The following SP140 variants were observed in gnomAD, a reference collection of about 807,000 sequenced individuals.
The protein encoded by SP140 is SP140 nuclear body protein, also known as nuclear body protein SP140.
In SP140, 81 loss-of-function variants were observed where a neutral mutation model predicts 125.0. The observed-to-expected ratio is 0.65, with a 90% CI of 0.54 to 0.78. SP140 has a LOEUF of 0.78. Ranked by LOEUF, SP140 falls within the 30% of genes least tolerant of loss-of-function variation. The pLI, the probability that SP140 is intolerant of heterozygous loss-of-function variation, is 0.00. For synonymous variants in SP140, 312 were observed against 354.0 expected (o/e 0.88, Z 1.33); for missense variants, 858 against 1,037.0 (o/e 0.83, Z 2.37).
At chr2:230,235,720 T>A (rs1476922311) in intron 1 of SP140, among the ~76,000 whole-genome samples, 1 of 152,196 alleles carries the variant, frequency 6.6e-6, no homozygotes, top group Non-Finnish European at 1.5e-5. Context: ...AACTACAAAC[T>A]TTTGTGATTA....
intron 15 of SP140, among the ~76,000 whole-genome samples, chr2:230,284,047 A>G (rs2056017123): frequency 1.3e-5 from 2 of 152,182 alleles, no homozygotes; most frequent in South Asian, 2.1e-4. Flanking sequence ...AAAAAGCAAC[A>G]TGAAACAGCA....
chr2:230,271,904 C>T (rs376878524), intron 15 of SP140, among the ~76,000 whole-genome samples: 3 of 152,090 alleles, frequency 2.0e-5, no homozygotes, highest in Admixed American at 6.6e-5. Context: ...TTTGAAGAGA[C>T]GTAGCATGTG....
intron 22 of SP140, among the ~76,000 whole-genome samples, chr2:230,309,671 C>T (rs913085190): frequency 6.6e-6 from 1 of 152,214 alleles, no homozygotes; most frequent in Non-Finnish European, 1.5e-5. Flanking sequence ...TGTTGCTAGT[C>T]TTTCTTCATT....
intron 12 of SP140, among the ~76,000 whole-genome samples, chr2:230,268,566 A>G (rs2053480920): frequency 6.6e-6 from 1 of 152,100 alleles, no homozygotes; most frequent in Non-Finnish European, 1.5e-5. Flanking sequence ...CAGTAGATGA[A>G]GTAGTGAAAC....
At chr2:230,311,712 G>A (rs2149639497) in intron 26 of SP140, 117 bp downstream of exon 26, 2 of 1,062,964 alleles carry the variant, frequency 1.9e-6, no homozygotes, top group East Asian at 4.8e-5. Flanking sequence ...CAAGGGTTCT[G>A]GAAGTGATTG....
At chr2:230,296,657 G>A (rs1481975210) in intron 21 of SP140, among the ~76,000 whole-genome samples, 1 of 152,194 alleles carries the variant, frequency 6.6e-6, no homozygotes, top group Non-Finnish European at 1.5e-5. Context: ...TGCTCTTCTT[G>A]TCTGGGACAC....
At chr2:230,296,489 T>C (rs1470457181) in intron 21 of SP140, among the ~76,000 whole-genome samples, 1 of 152,204 alleles carries the variant, frequency 6.6e-6, no homozygotes, top group African/African-American at 2.4e-5. Flanking sequence ...TAAATAAATG[T>C]AGTGGGTTAC....
intron 12 of SP140, among the ~76,000 whole-genome samples, chr2:230,268,866 C>T (rs550044147): frequency 2.0e-5 from 3 of 152,312 alleles, no homozygotes; most frequent in African/African-American, 7.2e-5. Flanking sequence ...ATAATCTCGG[C>T]AGGAACTCCA....
chr2:230,275,938 C>T (rs184947698), intron 15 of SP140, among the ~76,000 whole-genome samples: 1 of 152,272 alleles, frequency 6.6e-6, no homozygotes, highest in East Asian at 1.9e-4. Context: ...GAGGCCTAAA[C>T]TCTCCTCAAT....
chr2:230,202,800 G>T (rs1398822360), upstream of SP140: 26 of 1,458,756 alleles, frequency 1.8e-5, no homozygotes, highest in Admixed American at 4.3e-4. Flanking sequence ...CCCAATCAGT[G>T]ACTTCCCTTC....
chr2:230,307,976 TATATATATATATATACAC>T (rs2058943504), intron 22 of SP140, among the ~76,000 whole-genome samples: 1 of 91,098 alleles, frequency 1.1e-5, no homozygotes, highest in African/African-American at 3.9e-5. Context: ...TATATATATA[TATATATATATATATACAC>T]ACACACACAC....
chr2:230,310,309 GT>G, intron 23 of SP140: 1 of 508,116 alleles, frequency 2.0e-6, no homozygotes, highest in Non-Finnish European at 3.5e-6. Flanking sequence ...TTTCCTTGAA[GT>G]TTTGCAGCTG....
chr2:230,224,071 G>A (rs1283002748), upstream of SP140, among the ~76,000 whole-genome samples: 4 of 152,162 alleles, frequency 2.6e-5, no homozygotes, highest in Non-Finnish European at 1.5e-5. Flanking sequence ...CAAGATAGTG[G>A]GAAATAGAAC....
chr2:230,291,773 A>G (rs913318806), intron 19 of SP140, among the ~76,000 whole-genome samples: 2 of 152,222 alleles, frequency 1.3e-5, no homozygotes, highest in African/African-American at 4.8e-5. Flanking sequence ...TATATAGTCA[A>G]GAGAGGAATG....
intron 9 of SP140, among the ~76,000 whole-genome samples, chr2:230,250,558 G>C (rs73104241): frequency 0.025 from 3,820 of 152,178 alleles, 158 homozygotes; most frequent in African/African-American, 0.088. Flanking sequence ...ATGAGAAAGG[G>C]GGTGACAAGG....
chr2:230,300,346 A>G (rs2058172175), intron 22 of SP140, among the ~76,000 whole-genome samples: 1 of 152,186 alleles, frequency 6.6e-6, no homozygotes, highest in Non-Finnish European at 1.5e-5. Context: ...CCAACATTTG[A>G]GAAAACCAGT....
At chr2:230,265,894 T>C (rs1234947454) in intron 12 of SP140, among the ~76,000 whole-genome samples, 1 of 151,948 alleles carries the variant, frequency 6.6e-6, no homozygotes, top group Non-Finnish European at 1.5e-5. Context: ...TATGTACGTA[T>C]AAAAGAAAAG....
In SP140 at chr2:230,237,142, A is replaced by T. The variant is rs759673410; in HGVS notation, c.119A>T (p.Glu40Val). 6.2e-7 allele frequency: 1 copy of T among 1,613,430 alleles called. No homozygotes were observed. The highest frequency in any genetic ancestry group is 8.5e-7 in the Non-Finnish European group (1 of 1,179,756). The change falls in exon 2 of 27, where the codon GAG becomes GTG. Residue 40 changes from glutamate to valine, a missense_variant. Around this residue, in one of 4 missense-constraint regions of SP140, gnomAD observed 791 missense variants for 869.5 expected, o/e 0.91. Coordinates refer to ENST00000392045, the MANE Select transcript of SP140 (RefSeq NM_007237.5). The surrounding 1 kb of genome is among the most constrained non-coding windows in gnomAD (Gnocchi z 5.4). ...AACCTGCAGGAGCAGGTTTGCCCTG[A>T]GCCCATTTTCAGGTTCTTCAGAGAA... is the stretch of plus-strand genomic sequence containing the variant. Reference protein sequence around the residue: ...GQNLQEQVCPEPIFRFFRENK... With the variant: ...GQNLQEQVCPVPIFRFFRENK...
In SP140 at chr2:230,261,521, G is replaced by A. The variant is rs187117866; in HGVS notation, c.1240+5989G>A. Among the ~76,000 whole-genome samples the A allele has an allele frequency of 1.3e-3, 198 of 152,230 alleles. 2 individuals carry two copies. Among genetic ancestry groups the A allele is most frequent in the African/African-American group, 4.1e-3 (172 of 41,520 alleles). ...AGGAGTGGCGAGAGTGGGCATCCTT[G>A]TCTTGTTTCAGTTCTCAGAGGGAAA... On this transcript the variant is annotated intron_variant, in intron 12 of 26. Coordinates refer to ENST00000392045, the MANE Select transcript of SP140 (RefSeq NM_007237.5).
Sources: gnomAD v4.1 joint callset for allele counts (sites outside exome capture counted in the v4.1 genomes callset) on GRCh38, gnomAD v4.1.1 for gene constraint, gnomAD v4.1.1 regional missense constraint, Gnocchi (gnomAD v3.1) non-coding constraint, MANE v1.5 for transcripts, NCBI Gene and HGNC (gene_info 2026-07-23, HGNC 2026-07-21) for gene names.